The following ABCC5 variants were observed in gnomAD, a reference collection of about 807,000 sequenced individuals.
The protein encoded by ABCC5 is ATP binding cassette subfamily C member 5.
A neutral mutation model predicts 160.9 loss-of-function variants in ABCC5; 61 were observed. The ratio of observed to expected loss-of-function variants is 0.38; its 90% confidence interval spans 0.31 to 0.47. The LOEUF (loss-of-function observed/expected upper bound fraction) is 0.47, where lower values mean the gene tolerates loss of function less well. Ranked by LOEUF, ABCC5 falls within the 20% of genes least tolerant of loss-of-function variation. ABCC5 has a pLI of 0.99. For synonymous variants in ABCC5, 666 were observed against 700.6 expected, an observed-to-expected ratio of 0.95 and a Z score of 0.78; for missense variants, 1,308 against 1,813.3, an observed-to-expected ratio of 0.72 and a Z score of 5.06.
intron 15 of ABCC5, among the ~76,000 whole-genome samples, chr3:183,962,090 C>T (rs891371055): frequency 1.3e-4 from 20 of 152,266 alleles, no homozygotes; most frequent in African/African-American, 4.1e-4. Context: ...GGGAGAGGTA[C>T]ACAGATGCTC....
At chr3:183,952,960 G>GA (rs2108799544) in intron 18 of ABCC5, 126 bp downstream of exon 18, 10 of 1,155,062 alleles carry the variant, frequency 8.7e-6, no homozygotes, top group East Asian at 2.4e-5. Flanking sequence ...TTTCATCCTG[G>GA]AAAAATCTCT....
chr3:183,936,750 C>T (rs1424628598), intron 26 of ABCC5, among the ~76,000 whole-genome samples: 6 of 152,156 alleles, frequency 3.9e-5, no homozygotes, highest in African/African-American at 7.2e-5. Context: ...CCTCGTGATC[C>T]GCCCGCATTG....
At chr3:183,922,171 A>G (rs1192305943) in intron 29 of ABCC5, among the ~76,000 whole-genome samples, 1 of 152,200 alleles carries the variant, frequency 6.6e-6, no homozygotes, top group Non-Finnish European at 1.5e-5. Flanking sequence ...CAGGAGTTCG[A>G]GACCAGCCTG....
At chr3:183,956,708 T>C (rs113300353) in intron 17 of ABCC5, among the ~76,000 whole-genome samples, 14 of 37,982 alleles carry the variant, frequency 3.7e-4, no homozygotes, top group African/African-American at 9.1e-4. Context: ...GTGTATATCA[T>C]ATAGGTTACA....
intron 17 of ABCC5, among the ~76,000 whole-genome samples, chr3:183,959,244 A>G (rs1319443015): frequency 6.6e-6 from 1 of 152,214 alleles, no homozygotes; most frequent in Non-Finnish European, 1.5e-5. Flanking sequence ...AAAGCCAAGT[A>G]GGAAAAACCC....
At chr3:183,977,694 A>T (rs932857964) in intron 9 of ABCC5, 70 bp from the exon 10 acceptor site, 4 of 1,055,378 alleles carry the variant, frequency 3.8e-6, no homozygotes, top group Non-Finnish European at 5.7e-6. Context: ...GACACCATGA[A>T]TTTCCTCTCA....
rs1434027078 is a variant in ABCC5 at position 183,999,933 on chromosome 3, T to G, written c.130-10550A>C. Among the ~76,000 whole-genome samples, 4 of 152,102 alleles carry G rather than the reference T, an allele frequency of 2.6e-5. No homozygotes were observed. The East Asian group carries it at 7.7e-4, about 29-fold the overall frequency. On this transcript the variant is annotated intron_variant, in intron 2 of 29. Coordinates refer to ENST00000334444, the MANE Select transcript of ABCC5 (RefSeq NM_005688.4). The stretch of plus-strand genomic sequence containing the variant: ...AATTATATAGCATACTTAGTCCAGC[T>G]ATGATGGGGGACAGCCTCCATTTAC...
At chr3:183,936,511 GA>G (rs201805885) in intron 26 of ABCC5, among the ~76,000 whole-genome samples, 8,843 of 146,136 alleles carry the variant, frequency 0.061, 310 homozygotes, top group Middle Eastern at 0.11. Flanking sequence ...CTTTTAGAAT[GA>G]TTTTTTTTTT....
Position 183,973,288 on chromosome 3 carries a change from C to T in ABCC5, c.1405-1369G>A, listed in dbSNP as rs933465501. Among the ~76,000 whole-genome samples the T allele has an allele frequency of 5.4e-5, 8 of 146,828 alleles. No individual in the cohort carries two copies. The South Asian group carries it at 1.5e-3, about 28-fold the overall frequency. On this transcript the variant is annotated intron_variant, in intron 10 of 29. Coordinates refer to ENST00000334444, the MANE Select transcript of ABCC5 (RefSeq NM_005688.4). ...CCAGGATGTCTAGATCTCCTGACCT[C>T]GTGATCCACCCGCCTCAGCCTCCCA...
intron 17 of ABCC5, among the ~76,000 whole-genome samples, chr3:183,958,960 C>A (rs1716480614): frequency 6.6e-6 from 1 of 151,580 alleles, no homozygotes; most frequent in South Asian, 2.1e-4. Flanking sequence ...CAATGGCAAA[C>A]CCAAGAAAGT....
intron 27 of ABCC5, chr3:183,927,771 A>G: frequency 4.1e-6 from 4 of 985,486 alleles, no homozygotes; most frequent in Non-Finnish European, 4.8e-6. Flanking sequence ...GAAATAGTAT[A>G]GTAAGGAAAA....
At position 183,942,782 on chromosome 3, in the gene ABCC5, T is replaced by A; in HGVS notation, c.3639A>T (p.Val1213=). Residue 1213 remains valine, a synonymous_variant, in exon 25 of 30, where the codon GTA becomes GTT. Coordinates refer to ENST00000334444, the MANE Select transcript of ABCC5 (RefSeq NM_005688.4). ...RENLPLVLKK[V]SFTIKPKEKI... is the part of the protein sequence containing the mutation. Reference sequence around the variant, plus strand: ...TCTCTTTAGGTTTGATCGTGAAGGATACTTTCTTTAGGACGAGAGGGAGGT... The same window carrying A: ...TCTCTTTAGGTTTGATCGTGAAGGAAACTTTCTTTAGGACGAGAGGGAGGT... 6.2e-7 allele frequency: 1 copy of A among 1,614,198 alleles called. No homozygotes were observed. The highest frequency in any genetic ancestry group is 1.3e-5 in the African/African-American group (1 of 75,042).
intron 10 of ABCC5, among the ~76,000 whole-genome samples, chr3:183,976,558 A>T (rs1718235388): frequency 6.6e-6 from 1 of 152,132 alleles, no homozygotes; most frequent in Admixed American, 6.6e-5. Context: ...CCCAGCCAGG[A>T]CTAGCTTTCT....
intron 10 of ABCC5, among the ~76,000 whole-genome samples, chr3:183,976,167 C>CT (rs1428763820): frequency 1.3e-5 from 2 of 151,874 alleles, no homozygotes; most frequent in African/African-American, 4.8e-5. Context: ...CTTCCTTTCT[C>CT]TCTTCTCTCC....
rs976895976 is a variant in ABCC5, at chr3:183,977,637, G to A, written c.1297-13C>T. On this transcript the variant is annotated splice_polypyrimidine_tract_variant and intron_variant, in intron 9 of 29. Transcript: ENST00000334444. ...CCACTGTGAAAGCCTGAAAATAGGA[G>A]AAGAGAAGAAACTGTGCCTAATGAT... The A allele has an allele frequency of 9.4e-6, 15 of 1,597,252 alleles. No individual in the cohort carries two copies. The African/African-American group carries it at 1.9e-4, about 20-fold the overall frequency.
At chr3:183,978,341 TG>T (rs1718406092) in intron 9 of ABCC5, among the ~76,000 whole-genome samples, 161 bp downstream of exon 9, 3 of 151,990 alleles carry the variant, frequency 2.0e-5, no homozygotes, top group Non-Finnish European at 2.9e-5. Context: ...TTGTTTGTTT[TG>T]TTTTGAGATG....
chr3:183,984,658 C>T (rs1229838812), intron 5 of ABCC5: 8 of 1,450,774 alleles, frequency 5.5e-6, no homozygotes, highest in Non-Finnish European at 7.2e-6. Context: ...TCCACCTCTC[C>T]CCTCCCTCAG....
chr3:183,922,078 T>TAAATAAAA (rs1560461670), intron 29 of ABCC5, among the ~76,000 whole-genome samples: 5 of 127,486 alleles, frequency 3.9e-5, no homozygotes, highest in East Asian at 5.0e-4. Context: ...AATAAATAAA[T>TAAATAAAA]AAAAAACAAC....
intron 2 of ABCC5, chr3:184,006,578 T>C (rs1337100979): frequency 6.6e-6 from 1 of 152,328 alleles, no homozygotes; most frequent in African/African-American, 2.4e-5. Flanking sequence ...CAAAACTATT[T>C]TATGAAAACA....
Sources: gnomAD v4.1 joint callset for allele counts (sites outside exome capture counted in the v4.1 genomes callset) on GRCh38, gnomAD v4.1.1 for gene constraint, MANE v1.5 for transcripts, NCBI Gene and HGNC (gene_info 2026-07-23, HGNC 2026-07-21) for gene names.